MED26: variants seen among roughly 807,000 people sequenced by gnomAD.
The protein encoded by MED26 is mediator complex subunit 26.
A neutral mutation model predicts 43.7 loss-of-function variants in MED26; 7 were observed. The ratio of observed to expected loss-of-function variants is 0.16; its 90% confidence interval spans 0.09 to 0.30. MED26 has a LOEUF of 0.30. Ranked by LOEUF, MED26 falls within the 10% of genes least tolerant of loss-of-function variation. The pLI, the probability that MED26 is intolerant of heterozygous loss-of-function variation, is 1.00. For missense variants in MED26, 784 were observed against 840.6 expected (o/e 0.93, Z 0.83); for synonymous variants, 375 against 371.1 (o/e 1.01, Z -0.12).
intron 1 of MED26, among the ~76,000 whole-genome samples, chr19:16,597,688 C>T (rs1380710680): frequency 6.6e-6 from 1 of 152,120 alleles, no homozygotes; most frequent in East Asian, 1.9e-4. Flanking sequence ...TTGTTCTTGC[C>T]ACATCAGAGC....
At position 16,628,007 on chromosome 19, in the gene MED26, G is replaced by A; in HGVS notation, c.-64C>T. 1 of 1,078,386 alleles carries A rather than the reference G, an allele frequency of 9.3e-7. No homozygotes were observed. 66.8% of individuals were successfully genotyped at this position (1,078,386 alleles called of 1,614,324 possible). ...GCGGGCGGGCTGAGGCGGGGGACGG[G>A]GGTCACTCACTCGCCGGCCTCCGGG... is the stretch of plus-strand genomic sequence containing the variant. On this transcript the variant is annotated 5_prime_UTR_variant, in exon 1 of 3. Coordinates refer to ENST00000263390, the MANE Select transcript of MED26 (RefSeq NM_004831.5).
In MED26 at chr19:16,576,835, A is replaced by G. The variant is rs2086005881; in HGVS notation, c.995T>C (p.Leu332Pro). 1.2e-6 allele frequency: 2 copies of G among 1,609,872 alleles called. No homozygotes were observed. The highest frequency in any genetic ancestry group is 1.7e-6 in the Non-Finnish European group (2 of 1,178,796). The change falls in exon 3 of 3, where the codon CTG becomes CCG. Residue 332 changes from leucine (L) to proline (P), a missense_variant. This residue lies in a region of MED26 where 719 missense variants were observed against 730.9 expected (regional missense o/e 0.98). Transcript: ENST00000263390. This position sits in a 1 kb window ranked among gnomAD's most constrained non-coding sequence, Gnocchi z 6.8. ...GCACACTGGGCTTTCCGCACTGGGC[A>G]GCAGCTCGAGCCGCCGTACGGGGGG... is the stretch of plus-strand genomic sequence containing the variant. ...STPPVRRLEL[L>P]PSAESPVCWL... is the part of the protein sequence containing the mutation.
chr19:16,582,608 C>A (rs1171687481), intron 1 of MED26, among the ~76,000 whole-genome samples: 1 of 152,174 alleles, frequency 6.6e-6, no homozygotes, highest in Non-Finnish European at 1.5e-5. Flanking sequence ...ACAGAGACAC[C>A]AGGACTCGTA....
At chr19:16,601,894 A>C (rs1408343474) in intron 1 of MED26, among the ~76,000 whole-genome samples, 2 of 152,168 alleles carry the variant, frequency 1.3e-5, no homozygotes, top group African/African-American at 4.8e-5. Flanking sequence ...TGAAGCAGGG[A>C]GACAGTTCTG....
intron 1 of MED26, chr19:16,612,201 G>A (rs898904586): frequency 3.9e-5 from 6 of 152,162 alleles, no homozygotes; most frequent in African/African-American, 1.4e-4. Context: ...TTTTGTGCAA[G>A]GTATATGTTC....
At chr19:16,613,825 C>T (rs990887746) in intron 1 of MED26, among the ~76,000 whole-genome samples, 6 of 152,156 alleles carry the variant, frequency 3.9e-5, no homozygotes, top group Non-Finnish European at 8.8e-5. Flanking sequence ...TAGATTTACA[C>T]CAAAGGATGT....
chr19:16,613,151 C>T (rs1232836160), intron 1 of MED26, among the ~76,000 whole-genome samples: 1 of 152,186 alleles, frequency 6.6e-6, no homozygotes, highest in African/African-American at 2.4e-5. Flanking sequence ...TGTCCAAGGA[C>T]ATATAACTTG....
chr19:16,613,959 C>T (rs2086211360), intron 1 of MED26, among the ~76,000 whole-genome samples: 1 of 152,124 alleles, frequency 6.6e-6, no homozygotes, highest in Non-Finnish European at 1.5e-5. Flanking sequence ...CGCATGGCCT[C>T]AGGAAGACAA....
chr19:16,599,552 T>C (rs1409073667), intron 1 of MED26, among the ~76,000 whole-genome samples: 8 of 152,188 alleles, frequency 5.3e-5, no homozygotes, highest in Admixed American at 1.3e-4. Flanking sequence ...CAGAATCCCA[T>C]ATTAAAAGGG....
chr19:16,585,878 G>A (rs906353285), intron 1 of MED26, among the ~76,000 whole-genome samples: 1 of 152,210 alleles, frequency 6.6e-6, no homozygotes, highest in African/African-American at 2.4e-5. Flanking sequence ...CTGTTCAGTG[G>A]AGTGGACCCG....
At chr19:16,621,442 G>A (rs1413770687) in intron 1 of MED26, among the ~76,000 whole-genome samples, 1 of 152,152 alleles carries the variant, frequency 6.6e-6, no homozygotes, top group Non-Finnish European at 1.5e-5. Context: ...TGCATGCAGG[G>A]GAAACCTGAT....
chr19:16,617,362 C>T (rs977107934), intron 1 of MED26, among the ~76,000 whole-genome samples: 1 of 152,174 alleles, frequency 6.6e-6, no homozygotes, highest in African/African-American at 2.4e-5. Flanking sequence ...TTCGGAAACA[C>T]CTCCCTGACT....
chr19:16,576,593 C>T lies in MED26; in HGVS notation c.1237G>A (p.Ala413Thr), dbSNP rs759578320. 4 of 1,614,120 alleles carry T rather than the reference C, an allele frequency of 2.5e-6. No homozygotes were observed. In the South Asian group the frequency reaches 3.3e-5, roughly 13 times the overall value. Reference protein sequence around the residue: ...TVNLDGQVAEAGVKPVRLKER... With the variant: ...TVNLDGQVAETGVKPVRLKER... ...TTTAACCGGACAGGCTTGACGCCCG[C>T]CTCAGCCACCTGCCCGTCCAAGTTA... The change falls in exon 3 of 3, where the codon GCG (alanine) becomes ACG (threonine). Residue 413 changes from alanine (A) to threonine (T), a missense_variant. This residue lies in a region of MED26 where 719 missense variants were observed against 730.9 expected (regional missense o/e 0.98). Coordinates refer to ENST00000263390, the MANE Select transcript of MED26 (RefSeq NM_004831.5). The surrounding 1 kb of genome is among the most constrained non-coding windows in gnomAD (Gnocchi z 6.8).
At position 16,586,369 on chromosome 19, in the gene MED26, C is replaced by G. The variant is rs1176303838; in HGVS notation, c.73-7960G>C. On this transcript the variant is annotated intron_variant, in intron 1 of 2. Coordinates refer to ENST00000263390, the MANE Select transcript of MED26 (RefSeq NM_004831.5). This position sits in a 1 kb window ranked among gnomAD's most constrained non-coding sequence, Gnocchi z 5.1. ...CTGGCCTTCCACTAGCCTGACATGG[C>G]TACCAAACACACAGGGCCCATCTGG... 3.9e-5 allele frequency among the ~76,000 whole-genome samples: 6 copies of G among 152,252 alleles called. No homozygotes were observed. Among genetic ancestry groups the G allele is most frequent in the African/African-American group, 1.4e-4 (6 of 41,472 alleles).
chr19:16,620,721 C>G (rs2086247892), intron 1 of MED26, among the ~76,000 whole-genome samples: 1 of 152,228 alleles, frequency 6.6e-6, no homozygotes, highest in South Asian at 2.1e-4. Context: ...GTAGGGATGA[C>G]AGGAGGCTCC....
Position 16,628,177 on chromosome 19 carries a change from G to A in MED26, c.-234C>T, listed in dbSNP as rs1599353292. 2 of 355,066 alleles carry A rather than the reference G, an allele frequency of 5.6e-6. No individual in the cohort carries two copies. Among genetic ancestry groups the A allele is most frequent in the Non-Finnish European group, 1.0e-5 (2 of 200,132 alleles). 22.0% of individuals were successfully genotyped at this position (355,066 alleles called of 1,614,324 possible). A position where few individuals can be genotyped will look rare whatever the true frequency, so the allele number is the denominator to read the frequency against. ...GCCGCCGGAGCCGCCGCCGCTCGCT[G>A]CCGCCGCCTCGAGAACCAAACTCCA... On this transcript the variant is annotated 5_prime_UTR_variant, in exon 1 of 3. Coordinates refer to ENST00000263390, the MANE Select transcript of MED26 (RefSeq NM_004831.5).
Position 16,577,338 on chromosome 19 carries a change from C to A in MED26, c.492G>T (p.Lys164Asn), listed in dbSNP as rs1174627516. ...GGGGGTCGTGGCTAGCTTTGGAGAC[C>A]TTGGGTGGCGGCCCTGGGTGGCCGA... ...RDLGHPGPPP[K>N]VSKASHDPLV... The change falls in exon 3 of 3, where the codon AAG becomes AAT. Residue 164 changes from lysine to asparagine, a missense_variant. Physicochemically the swap from Lys to Asn is moderately conservative, Grantham distance 94. Transcript: ENST00000263390. This position sits in a 1 kb window ranked among gnomAD's most constrained non-coding sequence, Gnocchi z 8.1. The A allele has an allele frequency of 6.2e-7, 1 of 1,611,888 alleles. No individual in the cohort carries two copies. Among genetic ancestry groups the A allele is most frequent in the African/African-American group, 1.3e-5 (1 of 74,894 alleles).
chr19:16,576,205 C>A lies in MED26; in HGVS notation c.1625G>T (p.Gly542Val). 6.2e-7 allele frequency: 1 copy of A among 1,612,470 alleles called. No homozygotes were observed. The highest frequency in any genetic ancestry group is 8.5e-7 in the Non-Finnish European group (1 of 1,180,010). The change falls in exon 3 of 3, where the codon GGT (glycine) becomes GTT (valine). Residue 542 changes from glycine (G) to valine (V), a missense_variant. This residue lies in a region of MED26 where 719 missense variants were observed against 730.9 expected (regional missense o/e 0.98). Coordinates refer to ENST00000263390, the MANE Select transcript of MED26 (RefSeq NM_004831.5). The surrounding 1 kb of genome is among the most constrained non-coding windows in gnomAD (Gnocchi z 6.8). ...GTCCTGTGTGACCTCCCGGGTCAGA[C>A]CAGGGAGGTCCGTGGGCGGGCTTTG... ...VPQSPPTDLPGLTREVTQDDL... is the reference protein window; with the variant it reads ...VPQSPPTDLPVLTREVTQDDL...
At chr19:16,627,305 ACT>A (rs973178563) in intron 1 of MED26, among the ~76,000 whole-genome samples, 2 of 151,774 alleles carry the variant, frequency 1.3e-5, no homozygotes, top group Non-Finnish European at 2.9e-5. Flanking sequence ...AGGGAGACAG[ACT>A]CTCCACGTAC....
Sources: gnomAD v4.1 joint callset for allele counts (sites outside exome capture counted in the v4.1 genomes callset) on GRCh38, gnomAD v4.1.1 for gene constraint, gnomAD v4.1.1 regional missense constraint, Gnocchi (gnomAD v3.1) non-coding constraint, MANE v1.5 for transcripts, NCBI Gene and HGNC (gene_info 2026-07-23, HGNC 2026-07-21) for gene names.